The following RIMS3 variants were observed in gnomAD, a reference collection of about 807,000 sequenced individuals.
The protein encoded by RIMS3 is regulating synaptic membrane exocytosis protein 3.
A neutral mutation model predicts 29.2 loss-of-function variants in RIMS3; 15 were observed. The ratio of observed to expected loss-of-function variants is 0.51; its 90% CI spans 0.34 to 0.79. The LOEUF (loss-of-function observed/expected upper bound fraction) is 0.79. Ranked by LOEUF, RIMS3 falls within the 30% of genes least tolerant of loss-of-function variation. The pLI is 0.01. For missense variants in RIMS3, 342 were observed against 421.4 expected, an observed-to-expected ratio of 0.81 and a Z score of 1.65; for synonymous variants, 161 against 170.1, an observed-to-expected ratio of 0.95 and a Z score of 0.41.
chr1:40,682,653 AC>A, the RIMS3 span, among the ~76,000 whole-genome samples: 1 of 151,752 alleles, frequency 6.6e-6, no homozygotes, highest in African/African-American at 2.4e-5. Context: ...TGGATTTTAA[AC>A]AATCACACTT....
rs1488590459 is a variant in RIMS3 at position 40,635,629 on chromosome 1, G to C, written c.359+287C>G. On this transcript the variant is annotated intron_variant, in intron 4 of 7. Transcript: ENST00000372684. This position sits in a 1 kb window ranked among gnomAD's most constrained non-coding sequence, Gnocchi z 4.1. The stretch of plus-strand genomic sequence containing the variant: ...CCACCCTTTCCTCTGGAGCAGGGCA[G>C]TGTGTGCGTGGTGGGAGGTGGGAGG... 1.3e-5 allele frequency among the ~76,000 whole-genome samples: 2 copies of C among 152,200 alleles called. No individual in the cohort carries two copies.
chr1:40,684,232 T>C, the RIMS3 span, among the ~76,000 whole-genome samples: 1 of 152,198 alleles, frequency 6.6e-6, no homozygotes, highest in Non-Finnish European at 1.5e-5. Flanking sequence ...GTTACACATA[T>C]TGGGGAAAGT....
intron 1 of RIMS3, among the ~76,000 whole-genome samples, chr1:40,659,230 A>G (rs866835989): frequency 3.3e-5 from 5 of 152,194 alleles, no homozygotes; most frequent in African/African-American, 9.7e-5. Flanking sequence ...CAGAGACCCA[A>G]AACAGCCTGG....
intron 1 of RIMS3, among the ~76,000 whole-genome samples, chr1:40,651,599 C>G (rs1168050010): frequency 6.6e-6 from 1 of 152,186 alleles, no homozygotes; most frequent in Non-Finnish European, 1.5e-5. Context: ...CACACCCCGC[C>G]CCCTGGCTGT....
chr1:40,655,563 G>C (rs1434470579), intron 1 of RIMS3, among the ~76,000 whole-genome samples: 1 of 152,196 alleles, frequency 6.6e-6, no homozygotes, highest in Non-Finnish European at 1.5e-5. Context: ...GCGCAGCAGG[G>C]GGAGACCCCT....
intron 1 of RIMS3, among the ~76,000 whole-genome samples, chr1:40,651,675 C>G (rs1292849087): frequency 6.6e-6 from 1 of 152,230 alleles, no homozygotes; most frequent in Non-Finnish European, 1.5e-5. Context: ...TGGCACAGGT[C>G]TGGCATATAG....
the RIMS3 span, among the ~76,000 whole-genome samples, chr1:40,673,639 C>T: frequency 6.6e-6 from 1 of 152,172 alleles, no homozygotes; most frequent in East Asian, 1.9e-4. Context: ...GTGAGCCTTG[C>T]CAACACTTGA....
chr1:40,650,594 G>A (rs1570192709), intron 1 of RIMS3, among the ~76,000 whole-genome samples: 1 of 152,002 alleles, frequency 6.6e-6, no homozygotes, highest in Non-Finnish European at 1.5e-5. Flanking sequence ...CGGGCGTGGG[G>A]CTCATGCTTG....
rs1173564127 is a variant in RIMS3, at chr1:40,654,423, C to T, written c.-206-6581G>A. 6.6e-6 allele frequency among the ~76,000 whole-genome samples: 1 copy of T among 152,214 alleles called. No individual in the cohort carries two copies. Among genetic ancestry groups the T allele is most frequent in the Non-Finnish European group, 1.5e-5 (1 of 68,038 alleles). ...AAAGACCCGCACGCAAGCCATACACCTCCGGTTGGCCACTCCGACGCGCCA... is the reference window on the plus strand; with the variant it reads ...AAAGACCCGCACGCAAGCCATACACTTCCGGTTGGCCACTCCGACGCGCCA... On this transcript the variant is annotated intron_variant, in intron 1 of 7. Transcript: ENST00000372684. The surrounding 1 kb of genome is among the most constrained non-coding windows in gnomAD (Gnocchi z 5.3).
chr1:40,635,972 G>T lies in RIMS3; in HGVS notation c.303C>A (p.Arg101=). The change falls in exon 4 of 8, where the codon CGC becomes CGA. Residue 101 remains arginine (R), a synonymous_variant. Transcript: ENST00000372684. This position sits in a 1 kb window ranked among gnomAD's most constrained non-coding sequence, Gnocchi z 4.1. ...IAVEMRSRVT[R]QGSRESTDGS... is the part of the protein sequence containing the mutation. ...CATCGGTGGACTCCCGGCTGCCCTG[G>T]CGTGTGACCCGGCTCCGCATCTCCA... The T allele has an allele frequency of 1.9e-6, 3 of 1,611,616 alleles. No homozygotes were observed. The highest frequency in any genetic ancestry group is 2.5e-6 in the Non-Finnish European group (3 of 1,179,968).
intron 1 of RIMS3, among the ~76,000 whole-genome samples, chr1:40,648,595 T>C (rs1646609764): frequency 6.6e-6 from 1 of 152,236 alleles, no homozygotes; most frequent in Non-Finnish European, 1.5e-5. Context: ...TGGTAAATGA[T>C]CATCAGTTGG....
the RIMS3 span, among the ~76,000 whole-genome samples, chr1:40,684,555 AG>A: frequency 6.6e-6 from 1 of 152,204 alleles, no homozygotes; most frequent in South Asian, 2.1e-4. Flanking sequence ...GCTTTATATG[AG>A]GGGCACAGCC....
At chr1:40,666,973 C>T (rs567822757), upstream of RIMS3, among the ~76,000 whole-genome samples, 5 of 152,160 alleles carry the variant, frequency 3.3e-5, no homozygotes, top group East Asian at 3.9e-4. Context: ...TGCAGTGAGC[C>T]GAGGTCGCAC....
the RIMS3 span, among the ~76,000 whole-genome samples, chr1:40,682,225 T>C: frequency 6.6e-6 from 1 of 152,202 alleles, no homozygotes; most frequent in Admixed American, 6.5e-5. Context: ...CATTCATTCA[T>C]TCAATGTTGT....
At chr1:40,679,688 A>G in the RIMS3 span, among the ~76,000 whole-genome samples, 2 of 152,106 alleles carry the variant, frequency 1.3e-5, no homozygotes, top group Admixed American at 1.3e-4. Flanking sequence ...GGCCAGAATG[A>G]TGGGTCAGAG....
At chr1:40,675,632 C>T in the RIMS3 span, among the ~76,000 whole-genome samples, 2 of 151,928 alleles carry the variant, frequency 1.3e-5, no homozygotes, top group African/African-American at 4.8e-5. Context: ...GTGGTACACA[C>T]CTGTAATCTC....
At chr1:40,648,101 C>G (rs1176613555) in intron 1 of RIMS3, among the ~76,000 whole-genome samples, 4 of 152,176 alleles carry the variant, frequency 2.6e-5, no homozygotes, top group Non-Finnish European at 1.5e-5. Flanking sequence ...TGTACAGAGA[C>G]TTGGCCAGGA....
chr1:40,634,936 C>T (rs1311790958), intron 4 of RIMS3, among the ~76,000 whole-genome samples: 1 of 140,360 alleles, frequency 7.1e-6, no homozygotes, highest in Admixed American at 7.3e-5. Context: ...AGCAAAACTC[C>T]ATCACAAAAA....
At chr1:40,656,122 T>C (rs958974469) in intron 1 of RIMS3, among the ~76,000 whole-genome samples, 3 of 152,192 alleles carry the variant, frequency 2.0e-5, no homozygotes, top group Admixed American at 6.5e-5. Context: ...TAGTCCCAGC[T>C]ATTTGGGAGG....
Sources: allele counts gnomAD v4.1 joint callset (sites outside exome capture counted in the v4.1 genomes callset), GRCh38; gene constraint gnomAD v4.1.1; non-coding constraint Gnocchi (gnomAD v3.1); transcripts MANE v1.5; gene names NCBI Gene and HGNC (gene_info 2026-07-23, HGNC 2026-07-21).